Variants in DLG2 observed in about 807,000 individuals in gnomAD.
The protein encoded by DLG2 is disks large homolog 2.
In DLG2, 45 loss-of-function variants were observed where a neutral mutation model predicts 132.5. The ratio of observed to expected loss-of-function variants is 0.34; its 90% confidence interval spans 0.27 to 0.44. The LOEUF (loss-of-function observed/expected upper bound fraction) is 0.44. Ranked by LOEUF, DLG2 falls within the 20% of genes least tolerant of loss-of-function variation. The probability of loss-of-function intolerance (pLI) is 1.00; values close to 1 mark genes in which losing one functional copy is unlikely to be tolerated. For missense variants in DLG2, 1,045 were observed against 1,196.9 expected, an observed-to-expected ratio of 0.87 and a Z score of 1.87; for synonymous variants, 424 against 419.6, an observed-to-expected ratio of 1.01 and a Z score of -0.13.
At position 84,624,320 on chromosome 11, in the gene DLG2, G is replaced by A. The variant is rs150528490; in HGVS notation, c.358-89589C>T. 5.7e-3 allele frequency among the ~76,000 whole-genome samples: 862 copies of A among 152,098 alleles called. 11 individuals are homozygous for A. Among genetic ancestry groups the A allele is most frequent in the African/African-American group, 0.011 (475 of 41,486 alleles). ...TGTTATTACTCCCACGATCACTAAC[G>A]CCACCACTATATTTACAAGTAATTC... is the stretch of plus-strand genomic sequence containing the variant. On this transcript the variant is annotated intron_variant, in intron 6 of 27. Coordinates refer to ENST00000376104, the MANE Select transcript of DLG2 (RefSeq NM_001142699.3).
At chr11:84,373,951 T>A (rs535341163) in intron 7 of DLG2, among the ~76,000 whole-genome samples, 1 of 152,208 alleles carries the variant, frequency 6.6e-6, no homozygotes, top group South Asian at 2.1e-4. Flanking sequence ...TGTAAAAATG[T>A]ATATGAAAAG....
chr11:85,468,611 G>A (rs1365917733), intron 3 of DLG2, among the ~76,000 whole-genome samples: 1 of 152,176 alleles, frequency 6.6e-6, no homozygotes, highest in Non-Finnish European at 1.5e-5. Flanking sequence ...TTTCCATGTA[G>A]TTGAGCGGTT....
At chr11:84,221,606 C>A (rs1316870741) in intron 8 of DLG2, among the ~76,000 whole-genome samples, 1 of 152,162 alleles carries the variant, frequency 6.6e-6, no homozygotes, top group African/African-American at 2.4e-5. Flanking sequence ...CAGTTTAAGT[C>A]ACCTGTACAG....
intron 18 of DLG2, among the ~76,000 whole-genome samples, chr11:83,740,961 T>A (rs1429096684): frequency 6.6e-6 from 1 of 152,136 alleles, no homozygotes; most frequent in East Asian, 1.9e-4. Flanking sequence ...TTTACCGTGA[T>A]CAAGTAGGCA....
At chr11:84,775,335 A>G (rs2070253204) in intron 6 of DLG2, among the ~76,000 whole-genome samples, 1 of 152,182 alleles carries the variant, frequency 6.6e-6, no homozygotes, top group Non-Finnish European at 1.5e-5. Context: ...GGGAATGTAA[A>G]TTAGTCCAGC....
At chr11:84,505,803 T>C (rs1268466207) in intron 7 of DLG2, among the ~76,000 whole-genome samples, 1 of 152,156 alleles carries the variant, frequency 6.6e-6, no homozygotes, top group Non-Finnish European at 1.5e-5. Flanking sequence ...CTCTTGGGTA[T>C]ATTTTCAAGA....
At chr11:85,462,534 A>G (rs190469368) in intron 3 of DLG2, among the ~76,000 whole-genome samples, 18 of 152,284 alleles carry the variant, frequency 1.2e-4, no homozygotes, top group Admixed American at 2.0e-4. Flanking sequence ...CATCACTCTC[A>G]GCAAACTATC....
intron 6 of DLG2, among the ~76,000 whole-genome samples, chr11:84,927,275 A>G (rs1380887706): frequency 1.3e-5 from 2 of 152,004 alleles, no homozygotes; most frequent in Non-Finnish European, 2.9e-5. Context: ...AGGAGATTGG[A>G]CTATCTAGTT....
At chr11:84,780,541 T>C (rs2071557986) in intron 6 of DLG2, among the ~76,000 whole-genome samples, 1 of 152,130 alleles carries the variant, frequency 6.6e-6, no homozygotes, top group South Asian at 2.1e-4. Flanking sequence ...GCCAAACTGT[T>C]TTCCTGAGTG....
Position 84,755,629 on chromosome 11 carries a change from T to A in DLG2, c.358-220898A>T, listed in dbSNP as rs193271770. ...TAGTGGAGACGGGGTTACACCGTGTTAGCCAGGATGGACTCAATCTCCTGA... is the reference window on the plus strand; with the variant it reads ...TAGTGGAGACGGGGTTACACCGTGTAAGCCAGGATGGACTCAATCTCCTGA... On this transcript the variant is annotated intron_variant, in intron 6 of 27. Coordinates refer to ENST00000376104, the MANE Select transcript of DLG2 (RefSeq NM_001142699.3). Among the ~76,000 whole-genome samples, 18 of 152,308 alleles carry A rather than the reference T, an allele frequency of 1.2e-4. No individual in the cohort carries two copies. The East Asian group carries it at 3.5e-3, about 29-fold the overall frequency.
chr11:85,557,319 A>T (rs181763222), intron 3 of DLG2, among the ~76,000 whole-genome samples: 1 of 151,890 alleles, frequency 6.6e-6, no homozygotes, highest in Non-Finnish European at 1.5e-5. Context: ...ACACAAATAA[A>T]TGGAAAAACA....
chr11:84,030,224 C>T (rs1275301961), intron 11 of DLG2, among the ~76,000 whole-genome samples: 1 of 152,008 alleles, frequency 6.6e-6, no homozygotes, highest in South Asian at 2.1e-4. Context: ...CATAATAATC[C>T]TACAGGTAGA....
At chr11:85,414,549 G>A (rs543960236) in intron 3 of DLG2, among the ~76,000 whole-genome samples, 1 of 152,072 alleles carries the variant, frequency 6.6e-6, no homozygotes, top group East Asian at 1.9e-4. Context: ...TTCATGCGCT[G>A]TTGAATAGAA....
chr11:85,559,283 C>G (rs966540420), intron 3 of DLG2, among the ~76,000 whole-genome samples: 1 of 151,058 alleles, frequency 6.6e-6, no homozygotes, highest in Admixed American at 6.6e-5. Context: ...TCCCGAGTAC[C>G]TGGGACTACA....
rs182987384 is a variant in DLG2, at chr11:85,555,481, C to T, written c.40+43176G>A. Among the ~76,000 whole-genome samples, 468 of 152,036 alleles carry T rather than the reference C, an allele frequency of 3.1e-3. 8 individuals carry two copies. Among genetic ancestry groups the T allele is most frequent in the African/African-American group, 0.011 (447 of 41,538 alleles). On this transcript the variant is annotated intron_variant, in intron 3 of 27. Transcript: ENST00000376104. ...ATAGTGCTTTGGCACACTGACCACT[C>T]CTAATTAAAAGAAATCAGAAGGCCT...
At chr11:83,837,784 A>G (rs192294764) in intron 16 of DLG2, among the ~76,000 whole-genome samples, 1 of 150,268 alleles carries the variant, frequency 6.7e-6, no homozygotes, top group Non-Finnish European at 1.5e-5. Flanking sequence ...TCACTACAGT[A>G]TCCTTCCTTT....
chr11:83,576,511 A>G (rs1208783480), intron 19 of DLG2, among the ~76,000 whole-genome samples: 1 of 152,178 alleles, frequency 6.6e-6, no homozygotes, highest in Non-Finnish European at 1.5e-5. Flanking sequence ...ATAAAAAGAA[A>G]AAATTTATTT....
chr11:84,191,101 T>C (rs560049120), intron 8 of DLG2, among the ~76,000 whole-genome samples: 2 of 152,294 alleles, frequency 1.3e-5, no homozygotes, highest in South Asian at 2.1e-4. Flanking sequence ...AAGACCTGGA[T>C]CCTAGCCCTG....
intron 6 of DLG2, among the ~76,000 whole-genome samples, chr11:84,971,283 A>G (rs2054062375): frequency 6.6e-6 from 1 of 152,224 alleles, no homozygotes; most frequent in Admixed American, 6.5e-5. Context: ...TGCTTAGCAA[A>G]CAGTATGCAA....
Sources: gnomAD v4.1 joint callset for allele counts (sites outside exome capture counted in the v4.1 genomes callset) on GRCh38, gnomAD v4.1.1 for gene constraint, MANE v1.5 for transcripts, NCBI Gene and HGNC (gene_info 2026-07-23, HGNC 2026-07-21) for gene names.